Variants in SH3RF1 observed in about 807,000 individuals in gnomAD.
SH3RF1 encodes SH3 domain containing ring finger 1.
In SH3RF1, 32 loss-of-function variants were observed where a neutral mutation model predicts 74.0. That is an observed-to-expected ratio of 0.43 (90% CI 0.33 to 0.58). The LOEUF (loss-of-function observed/expected upper bound fraction) is 0.58. Among genes scored for constraint, SH3RF1 ranks in the 20% least tolerant of loss-of-function variants. SH3RF1 has a pLI of 0.05. For missense variants in SH3RF1, 954 were observed against 1,130.9 expected, an observed-to-expected ratio of 0.84 and a Z score of 2.24; for synonymous variants, 396 against 439.6, an observed-to-expected ratio of 0.90 and a Z score of 1.24.
chr4:169,202,213 G>T (rs992269454), intron 2 of SH3RF1, among the ~76,000 whole-genome samples: 2 of 152,100 alleles, frequency 1.3e-5, no homozygotes. Flanking sequence ...TCTTGGTGCC[G>T]GGAAGACAAG....
At chr4:169,205,722 A>G (rs1730244584) in intron 2 of SH3RF1, among the ~76,000 whole-genome samples, 1 of 152,238 alleles carries the variant, frequency 6.6e-6, no homozygotes, top group African/African-American at 2.4e-5. Context: ...CTTGAAATTT[A>G]CCAACGTACC....
At chr4:169,258,352 T>C (rs1392959077) in intron 2 of SH3RF1, among the ~76,000 whole-genome samples, 3 of 152,218 alleles carry the variant, frequency 2.0e-5, no homozygotes, top group African/African-American at 7.2e-5. Flanking sequence ...CTGTCACACT[T>C]TGGGGCCTTT....
At chr4:169,108,780 T>C (rs1733191258) in intron 10 of SH3RF1, among the ~76,000 whole-genome samples, 1 of 152,232 alleles carries the variant, frequency 6.6e-6, no homozygotes, top group South Asian at 2.1e-4. Flanking sequence ...ACTGCCTGCA[T>C]AAGTGCAGTG....
intron 2 of SH3RF1, among the ~76,000 whole-genome samples, chr4:169,177,663 T>C (rs931776683): frequency 4.6e-5 from 7 of 152,208 alleles, no homozygotes; most frequent in Non-Finnish European, 1.0e-4. Context: ...GTGTTAACTG[T>C]CTGATCTACT....
chr4:169,229,455 T>C (rs1730699255), intron 2 of SH3RF1, among the ~76,000 whole-genome samples: 1 of 151,974 alleles, frequency 6.6e-6, no homozygotes, highest in African/African-American at 2.4e-5. Context: ...AAACATAAAT[T>C]GGTATACCAC....
chr4:169,267,760 G>C (rs1731377148), intron 2 of SH3RF1, among the ~76,000 whole-genome samples: 1 of 152,006 alleles, frequency 6.6e-6, no homozygotes, highest in Non-Finnish European at 1.5e-5. Context: ...GCGAATTATG[G>C]GAACTAATGC....
intron 4 of SH3RF1, among the ~76,000 whole-genome samples, chr4:169,147,785 CCACACATGCA>C (rs1186546129): frequency 6.6e-6 from 1 of 152,148 alleles, no homozygotes; most frequent in Non-Finnish European, 1.5e-5. Context: ...CATTTATATG[CCACACATGCA>C]CACACATGCT....
intron 4 of SH3RF1, among the ~76,000 whole-genome samples, chr4:169,155,111 T>C (rs1039218622): frequency 6.6e-6 from 1 of 152,148 alleles, no homozygotes; most frequent in Non-Finnish European, 1.5e-5. Context: ...AAGAAGTAAG[T>C]AAAAAATAAA....
chr4:169,099,740 C>A (rs961083328), intron 11 of SH3RF1, among the ~76,000 whole-genome samples: 6 of 151,294 alleles, frequency 4.0e-5, no homozygotes, highest in African/African-American at 1.5e-4. Context: ...CCAATTTTGT[C>A]AAAAAAAAAT....
chr4:169,140,531 A>G (rs953269301), intron 4 of SH3RF1, among the ~76,000 whole-genome samples: 6 of 152,210 alleles, frequency 3.9e-5, no homozygotes, highest in African/African-American at 1.4e-4. Flanking sequence ...TTTTGGAAAA[A>G]AGTCTAAAAT....
intron 2 of SH3RF1, among the ~76,000 whole-genome samples, chr4:169,251,101 T>C (rs890292774): frequency 6.6e-6 from 1 of 152,174 alleles, no homozygotes; most frequent in Non-Finnish European, 1.5e-5. Flanking sequence ...AACATAGTTT[T>C]GAGCAAGAGT....
intron 7 of SH3RF1, among the ~76,000 whole-genome samples, chr4:169,121,628 A>G (rs1366491705): frequency 6.6e-6 from 1 of 152,228 alleles, no homozygotes; most frequent in Non-Finnish European, 1.5e-5. Flanking sequence ...CCAGTGCTCT[A>G]AACAGTTGGT....
Position 169,099,142 on chromosome 4 carries a change from G to T in SH3RF1, c.2499-2455C>A, listed in dbSNP as rs140761038. On this transcript the variant is annotated intron_variant, in intron 11 of 11. Coordinates refer to ENST00000284637, the MANE Select transcript of SH3RF1 (RefSeq NM_020870.4). ...CGGTCTTACTTTGTTGCCCAGGCTGGTGTGCAGTGATGCAATCACAGCTCA... is the reference window on the plus strand; with the variant it reads ...CGGTCTTACTTTGTTGCCCAGGCTGTTGTGCAGTGATGCAATCACAGCTCA... Among the ~76,000 whole-genome samples, 197 of 152,312 alleles carry T rather than the reference G, an allele frequency of 1.3e-3. 1 individual carries two copies. The highest frequency in any genetic ancestry group is 4.4e-3 in the African/African-American group (183 of 41,566).
intron 11 of SH3RF1, among the ~76,000 whole-genome samples, chr4:169,099,644 C>T (rs1016611088): frequency 3.0e-4 from 45 of 151,918 alleles, no homozygotes; most frequent in African/African-American, 1.1e-3. Context: ...CTGTGAGCTG[C>T]CTTAAAGGTG....
chr4:169,165,166 T>C (rs1734214597), intron 2 of SH3RF1, among the ~76,000 whole-genome samples: 1 of 152,170 alleles, frequency 6.6e-6, no homozygotes, highest in Non-Finnish European at 1.5e-5. Flanking sequence ...TTTCTACCTA[T>C]TTGAAAAACA....
At chr4:169,104,193 G>C (rs1277890920) in intron 11 of SH3RF1, among the ~76,000 whole-genome samples, 1 of 152,088 alleles carries the variant, frequency 6.6e-6, no homozygotes, top group Non-Finnish European at 1.5e-5. Flanking sequence ...GGAGAGTCTG[G>C]GCAAAGTGAA....
chr4:169,187,600 T>A (rs1449781978), intron 2 of SH3RF1, among the ~76,000 whole-genome samples: 1 of 151,258 alleles, frequency 6.6e-6, no homozygotes. Flanking sequence ...CTTATTCCCT[T>A]TTTCACTAGA....
chr4:169,241,479 TGGAAGTAAAGGCCTTA>T (rs935894569), intron 2 of SH3RF1, among the ~76,000 whole-genome samples: 8 of 152,256 alleles, frequency 5.3e-5, no homozygotes, highest in South Asian at 4.1e-4. Context: ...CCATCATCCA[TGGAAGTAAAGGCCTTA>T]GGAAGTAAAG....
chr4:169,177,462 AAAGT>A (rs756299914), intron 2 of SH3RF1, among the ~76,000 whole-genome samples: 23 of 152,226 alleles, frequency 1.5e-4, no homozygotes, highest in Non-Finnish European at 2.9e-4. Context: ...AGCTATTATA[AAAGT>A]AAGCATTGAA....
Sources: gnomAD v4.1 joint callset for allele counts (sites outside exome capture counted in the v4.1 genomes callset) on GRCh38, gnomAD v4.1.1 for gene constraint, MANE v1.5 for transcripts, NCBI Gene and HGNC (gene_info 2026-07-23, HGNC 2026-07-21) for gene names.